The following PTPRK variants were observed in gnomAD, a reference collection of about 807,000 sequenced individuals.
PTPRK encodes the protein receptor-type tyrosine-protein phosphatase kappa.
Under a neutral mutation model 178.0 loss-of-function variants are expected in PTPRK, and 75 were observed. The observed-to-expected ratio is 0.42, with a 90% CI of 0.35 to 0.51. The LOEUF is 0.51. PTPRK is among the 20% of genes least tolerant of loss of function. PTPRK has a pLI of 0.02. For synonymous variants in PTPRK, 637 were observed against 620.6 expected (o/e 1.03, Z -0.39); for missense variants, 1,441 against 1,797.8 (o/e 0.80, Z 3.59).
intron 11 of PTPRK, among the ~76,000 whole-genome samples, chr6:128,073,378 G>A (rs1783190739): frequency 1.3e-5 from 2 of 151,990 alleles, no homozygotes; most frequent in Admixed American, 6.6e-5. Flanking sequence ...GATAAAGCAG[G>A]CTAAGGGAAA....
chr6:128,240,219 C>T, intron 4 of PTPRK, 69 bp from the exon 5 acceptor site: 1 of 1,143,028 alleles, frequency 8.7e-7, no homozygotes, highest in Non-Finnish European at 1.3e-6. Flanking sequence ...TACTTTTCTC[C>T]AGCTGAATAT....
intron 1 of PTPRK, among the ~76,000 whole-genome samples, chr6:128,449,268 T>G (rs901640076): frequency 7.9e-5 from 12 of 152,162 alleles, no homozygotes; most frequent in African/African-American, 2.9e-4. Flanking sequence ...ACTTACACCA[T>G]TGAAAAAGAG....
At chr6:128,039,369 A>T (rs1405301250) in intron 13 of PTPRK, among the ~76,000 whole-genome samples, 2 of 152,192 alleles carry the variant, frequency 1.3e-5, no homozygotes, top group East Asian at 3.8e-4. Flanking sequence ...ACTCAGGTAG[A>T]CGTAGAAATA....
intron 2 of PTPRK, among the ~76,000 whole-genome samples, chr6:128,328,972 C>G (rs921834116): frequency 6.6e-6 from 1 of 151,992 alleles, no homozygotes; most frequent in African/African-American, 2.4e-5. Flanking sequence ...TATGTAACCT[C>G]TGGGAAATTC....
At chr6:128,104,234 T>C (rs575893933) in intron 7 of PTPRK, among the ~76,000 whole-genome samples, 15 of 152,326 alleles carry the variant, frequency 9.8e-5, no homozygotes, top group Middle Eastern at 3.4e-3. Flanking sequence ...TGTCTTTCCT[T>C]TTCTTTTTTT....
intron 7 of PTPRK, among the ~76,000 whole-genome samples, chr6:128,174,373 C>T (rs1316404635): frequency 6.6e-6 from 1 of 151,700 alleles, no homozygotes; most frequent in Non-Finnish European, 1.5e-5. Context: ...TCTAACGTTG[C>T]CACTAGCGTA....
At chr6:128,456,121 A>G (rs1192358096) in intron 1 of PTPRK, among the ~76,000 whole-genome samples, 1 of 152,074 alleles carries the variant, frequency 6.6e-6, no homozygotes, top group Non-Finnish European at 1.5e-5. Flanking sequence ...GCAAAATTCA[A>G]GATCCAGCAG....
chr6:128,051,445 T>G (rs949306012), intron 13 of PTPRK, among the ~76,000 whole-genome samples: 2 of 152,204 alleles, frequency 1.3e-5, no homozygotes, highest in Non-Finnish European at 2.9e-5. Context: ...ATGCTCCCTT[T>G]TCTAAACTCA....
intron 2 of PTPRK, among the ~76,000 whole-genome samples, chr6:128,396,776 G>C (rs1840362484): frequency 6.6e-6 from 1 of 152,106 alleles, no homozygotes; most frequent in Admixed American, 6.6e-5. Context: ...GAGGCGGGCG[G>C]ATCACGAGGT....
At chr6:128,453,814 A>T (rs1010152528) in intron 1 of PTPRK, among the ~76,000 whole-genome samples, 1 of 152,092 alleles carries the variant, frequency 6.6e-6, no homozygotes, top group Non-Finnish European at 1.5e-5. Context: ...GAAACTGAAA[A>T]CTATGATGCA....
At chr6:127,994,686 T>C (rs569373181) in intron 18 of PTPRK, among the ~76,000 whole-genome samples, 4 of 152,032 alleles carry the variant, frequency 2.6e-5, no homozygotes, top group South Asian at 2.1e-4. Flanking sequence ...CATGTAGATA[T>C]GTATGTAATC....
chr6:128,470,015 T>C (rs1396037932), intron 1 of PTPRK, among the ~76,000 whole-genome samples: 19 of 152,110 alleles, frequency 1.2e-4, no homozygotes, highest in Admixed American at 1.2e-3. Context: ...AGAGAATAAA[T>C]TTGTGTTGTT....
At chr6:128,116,280 A>C (rs1791513527) in intron 7 of PTPRK, among the ~76,000 whole-genome samples, 1 of 152,130 alleles carries the variant, frequency 6.6e-6, no homozygotes, top group Non-Finnish European at 1.5e-5. Flanking sequence ...ATCTTTATTT[A>C]ATTTAGAATT....
At chr6:127,996,399 T>C (rs1296415370) in intron 17 of PTPRK, among the ~76,000 whole-genome samples, 1 of 152,124 alleles carries the variant, frequency 6.6e-6, no homozygotes, top group Non-Finnish European at 1.5e-5. Context: ...CAGGGTGAAG[T>C]GGCTGAGTCA....
chr6:128,502,544 C>T (rs1855711201), intron 1 of PTPRK, among the ~76,000 whole-genome samples: 1 of 152,166 alleles, frequency 6.6e-6, no homozygotes, highest in Non-Finnish European at 1.5e-5. Context: ...ATTCCTCACA[C>T]CCATATGCCA....
rs75013325 is a variant in PTPRK, at chr6:128,262,370, C to A, written c.496-19768G>T. Among the ~76,000 whole-genome samples the A allele has an allele frequency of 3.4e-3, 523 of 152,212 alleles. 5 individuals carry two copies. Among genetic ancestry groups the A allele is most frequent in the African/African-American group, 0.012 (497 of 41,548 alleles). ...ATCTCAAGAGAATCACACTGACAGA[C>A]TTAATATGTAATCATTGATCTTCAA... On this transcript the variant is annotated intron_variant, in intron 3 of 29. Transcript: ENST00000368226.
intron 7 of PTPRK, among the ~76,000 whole-genome samples, chr6:128,166,572 T>C (rs1424196701): frequency 6.6e-6 from 1 of 151,766 alleles, no homozygotes; most frequent in Non-Finnish European, 1.5e-5. Flanking sequence ...TTATAAATAA[T>C]AAATACTGTA....
At position 128,420,557 on chromosome 6, in the gene PTPRK, C is replaced by T. The variant is rs531770712; in HGVS notation, c.101-22869G>A. On this transcript the variant is annotated intron_variant, in intron 1 of 29. Coordinates refer to ENST00000368226, the MANE Select transcript of PTPRK (RefSeq NM_002844.4). ...ATGCTTAGAGCTCCCTGGAGAAGCC[C>T]GGGCATAGAAACAAATAATGACAAC... Among the ~76,000 whole-genome samples, 15 of 152,092 alleles carry T rather than the reference C, an allele frequency of 9.9e-5. No individual in the cohort carries two copies. The South Asian group carries it at 1.5e-3, about 15-fold the overall frequency.
chr6:128,110,842 T>C (rs1407721059), intron 7 of PTPRK, among the ~76,000 whole-genome samples: 3 of 151,896 alleles, frequency 2.0e-5, no homozygotes, highest in Admixed American at 1.3e-4. Flanking sequence ...CTCACATGGG[T>C]TTTCAAAATG....
Sources: allele counts gnomAD v4.1 joint callset (sites outside exome capture counted in the v4.1 genomes callset), GRCh38; gene constraint gnomAD v4.1.1; transcripts MANE v1.5; gene names NCBI Gene and HGNC (gene_info 2026-07-23, HGNC 2026-07-21).